The following SNX29 variants were observed in gnomAD, a reference collection of about 807,000 sequenced individuals.
The protein encoded by SNX29 is sorting nexin 29, also known as sorting nexin-29.
In SNX29, 78 loss-of-function variants were observed where a neutral mutation model predicts 102.1. The ratio of observed to expected loss-of-function variants is 0.76; its 90% CI spans 0.64 to 0.92. The LOEUF is 0.92. Among genes scored for constraint, SNX29 ranks in the 40% least tolerant of loss-of-function variants. SNX29 has a pLI of 0.00. For synonymous variants in SNX29, 580 were observed against 414.5 expected, an observed-to-expected ratio of 1.40 and a Z score of -4.85; for missense variants, 1,280 against 1,061.7, an observed-to-expected ratio of 1.21 and a Z score of -2.86.
rs73512066 is a variant in SNX29 at position 12,572,466 on chromosome 16, C to G, written c.*3837C>G. ...GGTTCTGCATGGTACATTTTGCCAA[C>G]CCTGAGGACCAGTTCTTGGGGTTCC... On this transcript the variant is annotated 3_prime_UTR_variant, in exon 21 of 21. Transcript: ENST00000566228. The G allele has an allele frequency of 9.4e-7, 1 of 1,063,726 alleles. No individual in the cohort carries two copies. Among genetic ancestry groups the G allele is most frequent in the East Asian group, 5.0e-5 (1 of 19,900 alleles). 65.9% of individuals were successfully genotyped at this position (1,063,726 alleles called of 1,614,324 possible).
At chr16:12,417,135 C>G (rs1290059290) in intron 18 of SNX29, among the ~76,000 whole-genome samples, 1 of 152,230 alleles carries the variant, frequency 6.6e-6, no homozygotes, top group Admixed American at 6.5e-5. Flanking sequence ...ATGAGACAAT[C>G]AGGGGCGGTT....
Position 12,572,590 on chromosome 16 carries a change from C to G in SNX29, c.*3961C>G. The G allele has an allele frequency of 9.4e-7, 1 of 1,064,064 alleles. No individual in the cohort carries two copies. The highest frequency in any genetic ancestry group is 1.1e-6 in the Non-Finnish European group (1 of 878,436). 65.9% of individuals were successfully genotyped at this position (1,064,064 alleles called of 1,614,324 possible). On this transcript the variant is annotated 3_prime_UTR_variant, in exon 21 of 21. Transcript: ENST00000566228. ...AGGTCCAGCCATGTTCTCTGGGCTC[C>G]CAGTGAGCCCCCTCCCCTCCGGCTA...
In SNX29 at chr16:12,400,425, C is replaced by T. The variant is rs76131648; in HGVS notation, c.1955+1924C>T. 9.6e-3 allele frequency among the ~76,000 whole-genome samples: 1,456 copies of T among 152,334 alleles called. 23 individuals carry two copies. The highest frequency in any genetic ancestry group is 0.033 in the African/African-American group (1,378 of 41,568). On this transcript the variant is annotated intron_variant, in intron 17 of 20. Transcript: ENST00000566228. ...CAACAACCTTCAGAGATGGGTGTCT[C>T]CTCACGGATGATGAAATTGAGCCGG...
chr16:12,329,405 A>G (rs2081228726), intron 15 of SNX29, among the ~76,000 whole-genome samples: 1 of 151,616 alleles, frequency 6.6e-6, no homozygotes, highest in Non-Finnish European at 1.5e-5. Flanking sequence ...GTCCAGTTGA[A>G]CTCTCCACAG....
chr16:12,072,503 T>C (rs957068103), intron 10 of SNX29, among the ~76,000 whole-genome samples: 1 of 152,198 alleles, frequency 6.6e-6, no homozygotes, highest in Non-Finnish European at 1.5e-5. Flanking sequence ...CAGCCTTTCA[T>C]CCCAGGGATG....
chr16:12,212,877 G>A (rs1024727020), intron 14 of SNX29, among the ~76,000 whole-genome samples: 6 of 152,214 alleles, frequency 3.9e-5, no homozygotes, highest in Admixed American at 3.9e-4. Context: ...ACTTTGGGAG[G>A]CCGAGGTGGT....
intron 13 of SNX29, among the ~76,000 whole-genome samples, chr16:12,153,995 G>A (rs2055420504): frequency 6.6e-6 from 1 of 152,178 alleles, no homozygotes; most frequent in Non-Finnish European, 1.5e-5. Flanking sequence ...ACTGCTGGGA[G>A]GTATTTTATT....
intron 3 of SNX29, among the ~76,000 whole-genome samples, chr16:12,008,934 G>T (rs2056552629): frequency 6.6e-6 from 1 of 151,012 alleles, no homozygotes; most frequent in Non-Finnish European, 1.5e-5. Flanking sequence ...TAGAGACGGG[G>T]TTTCACTATG....
intron 19 of SNX29, among the ~76,000 whole-genome samples, chr16:12,509,854 C>T (rs1448945184): frequency 1.3e-5 from 2 of 152,254 alleles, no homozygotes; most frequent in African/African-American, 4.8e-5. Flanking sequence ...ACTGGTCACT[C>T]TAAAGCCCTG....
At position 12,152,256 on chromosome 16, in the gene SNX29, A is replaced by T. The variant is rs141850105; in HGVS notation, c.1595+22498A>T. On this transcript the variant is annotated intron_variant, in intron 13 of 20. Coordinates refer to ENST00000566228, the MANE Select transcript of SNX29 (RefSeq NM_032167.5). Reference sequence around the variant, plus strand: ...TGCATGCAATAATACACATGAAAAGATTCACATCGTAGAATCTTTGGTTTC... The same window carrying T: ...TGCATGCAATAATACACATGAAAAGTTTCACATCGTAGAATCTTTGGTTTC... 5.1e-3 allele frequency among the ~76,000 whole-genome samples: 777 copies of T among 152,144 alleles called. 2 individuals carry two copies. Among genetic ancestry groups the T allele is most frequent in the Non-Finnish European group, 7.3e-3 (494 of 67,994 alleles).
chr16:12,558,947 C>T (rs766741891), intron 20 of SNX29, among the ~76,000 whole-genome samples: 1 of 152,160 alleles, frequency 6.6e-6, no homozygotes, highest in Non-Finnish European at 1.5e-5. Flanking sequence ...TGATATCGGC[C>T]CCATGTTTCA....
chr16:12,232,145 C>G (rs982100976), intron 14 of SNX29, among the ~76,000 whole-genome samples: 5 of 152,130 alleles, frequency 3.3e-5, no homozygotes, highest in Non-Finnish European at 5.9e-5. Context: ...GAGGATGAAA[C>G]CTTCAAGTCT....
intron 17 of SNX29, among the ~76,000 whole-genome samples, 192 bp from the exon 18 acceptor site, chr16:12,403,252 GTGTA>G (rs2084028368): frequency 3.7e-5 from 5 of 135,946 alleles, no homozygotes; most frequent in African/African-American, 8.9e-5. Flanking sequence ...GTGTGTGTGT[GTGTA>G]GAGAGAGACA....
At chr16:12,354,796 C>G (rs188077162) in intron 15 of SNX29, among the ~76,000 whole-genome samples, 2 of 152,218 alleles carry the variant, frequency 1.3e-5, no homozygotes, top group East Asian at 3.9e-4. Context: ...TTTTCTTATC[C>G]AAAAGGAATA....
At chr16:12,277,822 A>G in intron 14 of SNX29, 111 bp from the exon 15 acceptor site, 1 of 820,922 alleles carries the variant, frequency 1.2e-6, no homozygotes, top group South Asian at 1.6e-5. Flanking sequence ...TTTTCTTGAG[A>G]GCTTTTTCAG....
At chr16:12,460,952 C>G (rs2086754098) in intron 18 of SNX29, among the ~76,000 whole-genome samples, 1 of 152,228 alleles carries the variant, frequency 6.6e-6, no homozygotes, top group South Asian at 2.1e-4. Context: ...AATGTGTGAA[C>G]TTCTTTAGAA....
In SNX29 at chr16:12,278,202, G is replaced by A. The variant is rs147112578; in HGVS notation, c.1782+166G>A. On this transcript the variant is annotated intron_variant, in intron 15 of 20. Transcript: ENST00000566228. ...AAATCAGTGTGCTTTATAAAAAGAA[G>A]TATGAGCTGATCCTTTGAAAAATGT... Among the ~76,000 whole-genome samples the A allele has an allele frequency of 7.5e-3, 1,141 of 152,318 alleles. 16 individuals carry two copies. The highest frequency in any genetic ancestry group is 0.026 in the African/African-American group (1,073 of 41,556).
At chr16:12,385,187 A>G (rs764703652) in intron 16 of SNX29, among the ~76,000 whole-genome samples, 2 of 152,152 alleles carry the variant, frequency 1.3e-5, no homozygotes, top group Non-Finnish European at 2.9e-5. Flanking sequence ...GAAAAAAGAA[A>G]AGTTCTGTGG....
intron 14 of SNX29, among the ~76,000 whole-genome samples, chr16:12,238,835 C>G (rs895095055): frequency 2.0e-5 from 3 of 152,350 alleles, no homozygotes; most frequent in Admixed American, 1.3e-4. Context: ...CTGCCACAGT[C>G]TAGTGTCCTG....
Sources: allele counts gnomAD v4.1 joint callset (sites outside exome capture counted in the v4.1 genomes callset), GRCh38; gene constraint gnomAD v4.1.1; transcripts MANE v1.5; gene names NCBI Gene and HGNC (gene_info 2026-07-23, HGNC 2026-07-21).